KCND3: variants seen among roughly 807,000 people sequenced by gnomAD.
KCND3 encodes A-type voltage-gated potassium channel KCND3.
In KCND3, 9 loss-of-function variants were observed where a neutral mutation model predicts 51.1. That is an observed-to-expected ratio of 0.18 (90% CI 0.11 to 0.31). The LOEUF is 0.31. KCND3 is among the 10% of genes least tolerant of loss of function. The probability of loss-of-function intolerance (pLI) is 1.00; values close to 1 mark genes in which losing one functional copy is unlikely to be tolerated. For synonymous variants in KCND3, 349 were observed against 368.0 expected, an observed-to-expected ratio of 0.95 and a Z score of 0.59; for missense variants, 526 against 903.8, an observed-to-expected ratio of 0.58 and a Z score of 5.36.
At chr1:111,967,297 T>A (rs1674059930) in intron 2 of KCND3, among the ~76,000 whole-genome samples, 1 of 152,062 alleles carries the variant, frequency 6.6e-6, no homozygotes, top group Non-Finnish European at 1.5e-5. Flanking sequence ...AACTAGACCC[T>A]AAATCTAGGA....
chr1:111,847,770 G>T (rs1667624967), intron 2 of KCND3, among the ~76,000 whole-genome samples: 1 of 152,208 alleles, frequency 6.6e-6, no homozygotes, highest in African/African-American at 2.4e-5. Context: ...AGGATGGCGG[G>T]AACAGAATGC....
At chr1:111,957,996 G>A (rs1198744463) in intron 2 of KCND3, among the ~76,000 whole-genome samples, 2 of 152,196 alleles carry the variant, frequency 1.3e-5, no homozygotes, top group Non-Finnish European at 2.9e-5. Context: ...CCTGGGCAGA[G>A]CTGACTTTCT....
intron 2 of KCND3, among the ~76,000 whole-genome samples, chr1:111,976,521 AC>A (rs1674635601): frequency 1.3e-5 from 2 of 152,374 alleles, no homozygotes; most frequent in South Asian, 4.1e-4. Flanking sequence ...GTGAACAAAT[AC>A]TTATTGAGAC....
At chr1:111,904,757 TTGGCTC>T (rs1670561430) in intron 2 of KCND3, among the ~76,000 whole-genome samples, 1 of 152,226 alleles carries the variant, frequency 6.6e-6, no homozygotes, top group African/African-American at 2.4e-5. Flanking sequence ...CTGCCGCCGA[TTGGCTC>T]TGATAGAGCC....
chr1:111,942,046 A>G (rs1672547284), intron 2 of KCND3, among the ~76,000 whole-genome samples: 1 of 152,174 alleles, frequency 6.6e-6, no homozygotes, highest in African/African-American at 2.4e-5. Flanking sequence ...GGAGTATAAG[A>G]GAAAAATACC....
intron 2 of KCND3, among the ~76,000 whole-genome samples, chr1:111,801,917 C>T (rs1297641418): frequency 3.3e-5 from 5 of 152,212 alleles, no homozygotes; most frequent in Admixed American, 1.3e-4. Context: ...ATCCTCTCCA[C>T]GGCGGCCTTT....
At chr1:111,932,686 T>C (rs1403295200) in intron 2 of KCND3, among the ~76,000 whole-genome samples, 5 of 152,262 alleles carry the variant, frequency 3.3e-5, no homozygotes, top group Admixed American at 2.6e-4. Flanking sequence ...ACACATACTA[T>C]AGCATGTTGG....
chr1:111,856,435 A>G (rs817972), intron 2 of KCND3, among the ~76,000 whole-genome samples: 8,042 of 152,330 alleles, frequency 0.053, 312 homozygotes, highest in Non-Finnish European at 0.085. Context: ...TGCTGTGCAC[A>G]GGGCACTTAG....
intron 2 of KCND3, chr1:111,857,001 T>A (rs1668104770): frequency 6.6e-6 from 1 of 152,264 alleles, no homozygotes; most frequent in South Asian, 2.1e-4. Flanking sequence ...CACACTGTCT[T>A]TCTGTGTCGG....
Position 111,778,448 on chromosome 1 carries a change from G to T in KCND3, c.1506C>A (p.Thr502=). The T allele has an allele frequency of 6.2e-7, 1 of 1,613,732 alleles. No individual in the cohort carries two copies. Residue 502 remains threonine (T), a synonymous_variant, in exon 6 of 8, where the codon ACC becomes ACA. Coordinates refer to ENST00000302127, the MANE Select transcript of KCND3 (RefSeq NM_001378969.1). ...TAAAAAGTTATACCTTGATGGTGGA[G>T]GTTCGTACAGATAACAGGGGATCAT... The part of the protein sequence containing the change: ...LVDDPLLSVR[T]STIKNHEFID...
intron 2 of KCND3, among the ~76,000 whole-genome samples, chr1:111,939,039 A>G (rs1160681210): frequency 6.6e-6 from 1 of 152,212 alleles, no homozygotes; most frequent in Non-Finnish European, 1.5e-5. Flanking sequence ...TGGCATCACC[A>G]GGAAACTTAT....
At chr1:111,810,058 A>T (rs1425134966) in intron 2 of KCND3, among the ~76,000 whole-genome samples, 2 of 152,214 alleles carry the variant, frequency 1.3e-5, no homozygotes, top group Non-Finnish European at 2.9e-5. Flanking sequence ...CTGAGATAAA[A>T]GATGCATGAC....
At chr1:111,959,569 T>A (rs80343914) in intron 2 of KCND3, among the ~76,000 whole-genome samples, 1,887 of 152,210 alleles carry the variant, frequency 0.012, 41 homozygotes, top group African/African-American at 0.043. Flanking sequence ...TTAACTTGGC[T>A]CTTGGAGTCT....
intron 2 of KCND3, among the ~76,000 whole-genome samples, chr1:111,796,839 C>G (rs1211467946): frequency 6.6e-6 from 1 of 152,218 alleles, no homozygotes; most frequent in Non-Finnish European, 1.5e-5. Flanking sequence ...TTCCTAAGCT[C>G]TGCCAGCAGA....
intron 2 of KCND3, among the ~76,000 whole-genome samples, chr1:111,836,541 G>A (rs1667073691): frequency 6.6e-6 from 1 of 152,158 alleles, no homozygotes. Flanking sequence ...CACCTTCTAG[G>A]TTTGTTTCCT....
intron 2 of KCND3, among the ~76,000 whole-genome samples, chr1:111,917,914 A>G (rs1262772252): frequency 6.6e-6 from 1 of 152,226 alleles, no homozygotes; most frequent in Non-Finnish European, 1.5e-5. Flanking sequence ...AGGATGGTCC[A>G]GAACACAAGT....
chr1:111,781,453 G>A (rs1352317906), intron 3 of KCND3, among the ~76,000 whole-genome samples: 6 of 152,166 alleles, frequency 3.9e-5, no homozygotes, highest in Admixed American at 6.5e-5. Context: ...GTAGGTTCTC[G>A]ATTTTTAAAG....
At chr1:111,836,319 G>A (rs530769463) in intron 2 of KCND3, among the ~76,000 whole-genome samples, 4 of 152,122 alleles carry the variant, frequency 2.6e-5, no homozygotes, top group Non-Finnish European at 4.4e-5. Flanking sequence ...CAGTCCCTGC[G>A]GGCAGCTTGG....
At chr1:111,875,797 G>C (rs557011838) in intron 2 of KCND3, among the ~76,000 whole-genome samples, 1 of 152,336 alleles carries the variant, frequency 6.6e-6, no homozygotes, top group Admixed American at 6.5e-5. Flanking sequence ...TTTCCGCTAA[G>C]GAAAACCATT....
Sources: allele counts gnomAD v4.1 joint callset (sites outside exome capture counted in the v4.1 genomes callset), GRCh38; gene constraint gnomAD v4.1.1; transcripts MANE v1.5; gene names NCBI Gene and HGNC (gene_info 2026-07-23, HGNC 2026-07-21).